Variants in GALNS observed in about 807,000 individuals in gnomAD.
GALNS encodes N-acetylgalactosamine-6-sulfatase.
In GALNS, 65 loss-of-function variants were observed where a neutral mutation model predicts 65.9. The ratio of observed to expected loss-of-function variants is 0.99; its 90% CI spans 0.81 to 1.21. GALNS has a LOEUF of 1.21. Ranked by LOEUF, GALNS falls within the 50% of genes most tolerant of loss-of-function variation. GALNS has a pLI of 0.00. For missense variants in GALNS, 776 were observed against 700.7 expected (o/e 1.11, Z -1.21); for synonymous variants, 346 against 288.9 (o/e 1.20, Z -2.00).
chr16:88,850,649 AG>A (rs1341626601), intron 1 of GALNS, among the ~76,000 whole-genome samples: 2 of 152,166 alleles, frequency 1.3e-5, no homozygotes, highest in East Asian at 1.9e-4. Context: ...GGCATCAGCC[AG>A]GGGAGAAGGT....
rs560620916 is a variant in GALNS, at chr16:88,815,287, G to A, written c.1483-762C>T. 4 of 985,502 alleles carry A rather than the reference G, an allele frequency of 4.1e-6. No individual in the cohort carries two copies. In the South Asian group the frequency reaches 1.9e-4, roughly 46 times the overall value. 61.0% of individuals were successfully genotyped at this position (985,502 alleles called of 1,614,324 possible). ...AGTGGCTGAGGGCCTCCGAGGGCCA[G>A]CAGTGTTAGAAAGGGCAGGCGGTCC... On this transcript the variant is annotated intron_variant, in intron 13 of 13. Coordinates refer to ENST00000268695, the MANE Select transcript of GALNS (RefSeq NM_000512.5).
At chr16:88,817,983 G>A (rs1234680416) in intron 13 of GALNS, 24 bp downstream of exon 13, 11 of 1,549,170 alleles carry the variant, frequency 7.1e-6, no homozygotes, top group Non-Finnish European at 7.8e-6. Context: ...CAAAGAGACG[G>A]CCGCCCACAC....
intron 12 of GALNS, among the ~76,000 whole-genome samples, chr16:88,821,887 G>A (rs987616869): frequency 6.6e-6 from 1 of 152,158 alleles, no homozygotes; most frequent in Non-Finnish European, 1.5e-5. Context: ...GCATGCACGT[G>A]CCCCAGGACC....
chr16:88,818,110 T>C lies in GALNS; in HGVS notation c.1379A>G (p.Glu460Gly). The C allele has an allele frequency of 6.4e-7, 1 of 1,573,370 alleles. No individual in the cohort carries two copies. Residue 460 changes from glutamate to glycine, a missense_variant, in exon 13 of 14, where the codon GAG (glutamate) becomes GGG (glycine). Transcript: ENST00000268695. ...ERFPLSFASA[E>G]YQEALSRITS... ...GATCCTGCTGAGGGCCTCCTGGTACTCGGCGCTGGCAAAGCTGGGGACAGA... is the reference window on the plus strand; with the variant it reads ...GATCCTGCTGAGGGCCTCCTGGTACCCGGCGCTGGCAAAGCTGGGGACAGA...
In GALNS at chr16:88,826,902, AT is replaced by A; in HGVS notation, c.1003-65del. ...ACCGACCCGATGGGGCTGGGGGCCA[AT>A]CCCTGGGGGGGCGTGAGCCCCGCTG... On this transcript the variant is annotated intron_variant, in intron 9 of 13. Coordinates refer to ENST00000268695, the MANE Select transcript of GALNS (RefSeq NM_000512.5). 3 of 1,542,956 alleles carry A rather than the reference AT, an allele frequency of 1.9e-6. No homozygotes were observed. In the South Asian group the frequency reaches 3.6e-5, roughly 18 times the overall value.
intron 1 of GALNS, chr16:88,855,951 C>A (rs1967826790): frequency 1.7e-6 from 1 of 574,126 alleles, no homozygotes; most frequent in South Asian, 2.0e-5. Flanking sequence ...ACAGGTGTAA[C>A]CCCCCAGGTG....
At position 88,835,727 on chromosome 16, in the gene GALNS, C is replaced by T. The variant is rs146538873; in HGVS notation, c.756G>A (p.Gly252=). 87 of 1,613,902 alleles carry T rather than the reference C, an allele frequency of 5.4e-5. No homozygotes were observed. The highest frequency in any genetic ancestry group is 8.3e-5 in the Admixed American group (5 of 60,012). The change falls in exon 7 of 14, where the codon GGG becomes GGA. Residue 252 remains glycine (G), a splice_region_variant and synonymous_variant. Transcript: ENST00000268695. ...SKPFLGTSQR[G]RYGDAVREID... Reference sequence around the variant, plus strand: ...TGCTCCATGGAGCCAGGACTCACCGCCCTCGCTGACTGGTGCCCAAGAAGG... The same window carrying T: ...TGCTCCATGGAGCCAGGACTCACCGTCCTCGCTGACTGGTGCCCAAGAAGG...
intron 9 of GALNS, 55 bp downstream of exon 9, chr16:88,831,943 G>C: frequency 6.7e-7 from 1 of 1,492,798 alleles, no homozygotes; most frequent in Non-Finnish European, 9.3e-7. Flanking sequence ...CACACACCCT[G>C]GGATGGCTGC....
chr16:88,848,208 A>C, intron 1 of GALNS, among the ~76,000 whole-genome samples: 1 of 152,188 alleles, frequency 6.6e-6, no homozygotes, highest in East Asian at 1.9e-4. Context: ...GACCCCCATC[A>C]GGGCTGGGGC....
chr16:88,856,099 A>T (rs1967847582), intron 1 of GALNS: 1 of 689,226 alleles, frequency 1.5e-6, no homozygotes, highest in Non-Finnish European at 2.7e-6. Context: ...GGCTCCCACA[A>T]GGAGTTAGGG....
intron 8 of GALNS, among the ~76,000 whole-genome samples, 164 bp from the exon 9 acceptor site, chr16:88,832,265 T>C (rs1911587875): frequency 6.6e-6 from 1 of 152,012 alleles, no homozygotes; most frequent in South Asian, 2.1e-4. Flanking sequence ...CTCCAGGGGC[T>C]CATCTGAGAT....
intron 9 of GALNS, among the ~76,000 whole-genome samples, chr16:88,828,182 G>A (rs915004165): frequency 1.3e-5 from 2 of 151,776 alleles, no homozygotes; most frequent in Admixed American, 6.6e-5. Context: ...CGTCCTTCCC[G>A]TGTCCTTTAA....
intron 12 of GALNS, among the ~76,000 whole-genome samples, chr16:88,820,950 C>A (rs1045581147): frequency 2.0e-5 from 3 of 152,146 alleles, no homozygotes; most frequent in Non-Finnish European, 4.4e-5. Context: ...GCTGGGGGGG[C>A]TGTTGGCTCC....
chr16:88,851,664 C>T (rs1010831345), intron 1 of GALNS, among the ~76,000 whole-genome samples: 8 of 152,168 alleles, frequency 5.3e-5, no homozygotes, highest in Admixed American at 2.0e-4. Flanking sequence ...CCAAATAGTG[C>T]GCTTTTCCAA....
rs780986116 is a variant in GALNS, at chr16:88,841,051, C to T, written c.363G>A (p.Glu121=). ...QEIVGGIPDS[E]QLLPELLKKA... is the part of the protein sequence containing the mutation. ...TCTTCAGAAGCTCCGGCAGGAGCTG[C>T]TCCGAGTCTGGGATGCCGCCCACAA... is the stretch of plus-strand genomic sequence containing the variant. The change falls in exon 4 of 14, where the codon GAG becomes GAA. Residue 121 remains glutamate, a synonymous_variant. Coordinates refer to ENST00000268695, the MANE Select transcript of GALNS (RefSeq NM_000512.5). 8.1e-6 allele frequency: 13 copies of T among 1,613,194 alleles called. No homozygotes were observed.
At chr16:88,815,558 A>G (rs975375283) in intron 13 of GALNS, 8 of 985,328 alleles carry the variant, frequency 8.1e-6, no homozygotes, top group Admixed American at 6.1e-5. Flanking sequence ...AGGGAGACTT[A>G]TGCCGCTAAG....
At chr16:88,818,181 G>T in intron 12 of GALNS, 57 bp from the exon 13 acceptor site, 1 of 1,389,328 alleles carries the variant, frequency 7.2e-7, no homozygotes, top group Non-Finnish European at 9.9e-7. Flanking sequence ...GACGGAGAGG[G>T]GCTGGCCTGG....
chr16:88,818,725 G>A lies in GALNS; in HGVS notation c.1365-601C>T, dbSNP rs566594381. ...CTTGGGTCCACGGCGCCGTCATGCT[G>A]TGCTCTGAGGACATCTGCACAGATG... is the stretch of plus-strand genomic sequence containing the variant. On this transcript the variant is annotated intron_variant, in intron 12 of 13. Transcript: ENST00000268695. 1.1e-4 allele frequency among the ~76,000 whole-genome samples: 17 copies of A among 152,356 alleles called. No homozygotes were observed. The East Asian group carries it at 1.2e-3, about 10-fold the overall frequency.
intron 4 of GALNS, chr16:88,840,708 G>A: frequency 2.1e-6 from 1 of 476,042 alleles, no homozygotes; most frequent in Non-Finnish European, 3.9e-6. Context: ...GTGGTGGCGG[G>A]TGCTAGGGGC....
Sources: allele counts gnomAD v4.1 joint callset (sites outside exome capture counted in the v4.1 genomes callset), GRCh38; gene constraint gnomAD v4.1.1; transcripts MANE v1.5; gene names NCBI Gene and HGNC (gene_info 2026-07-23, HGNC 2026-07-21).